Variants in EHD1 observed in about 807,000 individuals in gnomAD.
The protein encoded by EHD1 is EH domain containing 1.
A neutral mutation model predicts 39.0 loss-of-function variants in EHD1; 19 were observed. The observed-to-expected ratio is 0.49, with a 90% confidence interval of 0.34 to 0.72. The LOEUF (loss-of-function observed/expected upper bound fraction) is 0.72. Ranked by LOEUF, EHD1 falls within the 30% of genes least tolerant of loss-of-function variation. The pLI, the probability that EHD1 is intolerant of heterozygous loss-of-function variation, is 0.01. For missense variants in EHD1, 542 were observed against 751.5 expected (o/e 0.72, Z 3.26); for synonymous variants, 323 against 331.2 (o/e 0.98, Z 0.27).
Position 64,874,037 on chromosome 11 carries a change from G to A in EHD1, c.502+384C>T, listed in dbSNP as rs545373774. Among the ~76,000 whole-genome samples the A allele has an allele frequency of 6.6e-5, 10 of 150,898 alleles. No individual in the cohort carries two copies. The South Asian group carries it at 8.4e-4, about 13-fold the overall frequency. On this transcript the variant is annotated intron_variant, in intron 2 of 4. Coordinates refer to ENST00000320631, the MANE Select transcript of EHD1 (RefSeq NM_006795.4). ...AATCTCGAGGGCAGCCAGGTGTGGC[G>A]GCTCACGCCTGTAATCCCAGCACTT...
chr11:64,861,240 G>A (rs1592747584), intron 2 of EHD1, among the ~76,000 whole-genome samples: 1 of 151,036 alleles, frequency 6.6e-6, no homozygotes, highest in African/African-American at 2.4e-5. Context: ...CACCCTGAGG[G>A]CAGGATTATC....
intron 2 of EHD1, among the ~76,000 whole-genome samples, chr11:64,864,042 G>A (rs1287036376): frequency 6.6e-6 from 1 of 152,214 alleles, no homozygotes; most frequent in African/African-American, 2.4e-5. Context: ...TCACCAAAAT[G>A]TAAGGAAAAT....
chr11:64,874,018 G>A (rs922031500), intron 2 of EHD1, among the ~76,000 whole-genome samples: 4 of 150,464 alleles, frequency 2.7e-5, no homozygotes, highest in African/African-American at 7.3e-5. Flanking sequence ...AAGAAATCTC[G>A]AGGGCAGCCA....
At chr11:64,866,661 CAG>C (rs1198950689) in intron 2 of EHD1, among the ~76,000 whole-genome samples, 1 of 149,800 alleles carries the variant, frequency 6.7e-6, no homozygotes, top group Non-Finnish European at 1.5e-5. Flanking sequence ...GCCTGGGTGA[CAG>C]AGTGAGACCC....
chr11:64,857,759 C>T (rs1943668882), intron 3 of EHD1, among the ~76,000 whole-genome samples: 1 of 152,196 alleles, frequency 6.6e-6, no homozygotes, highest in Non-Finnish European at 1.5e-5. Flanking sequence ...GACATGGGCT[C>T]CCCAGGAAGT....
intron 2 of EHD1, among the ~76,000 whole-genome samples, chr11:64,873,264 C>T (rs1208747914): frequency 3.3e-5 from 5 of 152,234 alleles, no homozygotes; most frequent in Admixed American, 2.6e-4. Context: ...CTGCTGTCAA[C>T]CTCTAAGCAA....
chr11:64,869,123 G>A (rs1348903026), intron 2 of EHD1, among the ~76,000 whole-genome samples: 1 of 152,248 alleles, frequency 6.6e-6, no homozygotes, highest in Non-Finnish European at 1.5e-5. Context: ...AATGCATGAA[G>A]AATGCCTCAT....
At chr11:64,866,326 TG>T (rs1943766424) in intron 2 of EHD1, among the ~76,000 whole-genome samples, 1 of 152,072 alleles carries the variant, frequency 6.6e-6, no homozygotes, top group Admixed American at 6.5e-5. Context: ...TGTGAAACAT[TG>T]AGTACACATG....
At chr11:64,865,371 G>A (rs1450268339) in intron 2 of EHD1, among the ~76,000 whole-genome samples, 8 of 152,252 alleles carry the variant, frequency 5.3e-5, no homozygotes, top group South Asian at 2.1e-4. Context: ...AGAGCTGGAC[G>A]GCCGGTATCA....
At chr11:64,874,608 C>T in intron 1 of EHD1, 90 bp from the exon 2 acceptor site, 1 of 1,033,216 alleles carries the variant, frequency 9.7e-7, no homozygotes, top group Non-Finnish European at 1.3e-6. Flanking sequence ...CTCCTTCGCT[C>T]CATCTCTGGC....
intron 1 of EHD1, 31 bp downstream of exon 1, chr11:64,878,030 C>G: frequency 6.8e-7 from 1 of 1,480,842 alleles, no homozygotes; most frequent in Non-Finnish European, 8.9e-7. Context: ...CCCGGACGCG[C>G]CCCCCGCCCC....
chr11:64,863,759 C>G (rs940005342), intron 2 of EHD1, among the ~76,000 whole-genome samples: 20 of 152,238 alleles, frequency 1.3e-4, no homozygotes, highest in South Asian at 6.2e-4. Flanking sequence ...TAAGATGGCT[C>G]TGCACTCCAC....
chr11:64,871,710 G>A (rs1368622857), intron 2 of EHD1, among the ~76,000 whole-genome samples: 1 of 152,210 alleles, frequency 6.6e-6, no homozygotes, highest in Admixed American at 6.5e-5. Context: ...GGGTAGAGAT[G>A]ACCTTCTGTG....
chr11:64,869,289 A>G (rs1261625723), intron 2 of EHD1, among the ~76,000 whole-genome samples: 3 of 152,378 alleles, frequency 2.0e-5, no homozygotes, highest in African/African-American at 7.2e-5. Context: ...GGCTGAGGCC[A>G]AAAGCTGTCT....
rs200964887 is a variant in EHD1, at chr11:64,854,390, C to T, written c.1548G>A (p.Glu516=). Residue 516 remains glutamate, a synonymous_variant, in exon 5 of 5, where the codon GAG becomes GAA. Transcript: ENST00000320631. ...GGTGCGGGGGCAGGTCGGCGGGCAG[C>T]TCGTGGCCCTCCAGCTTGACCTTGA... ...HLIKVKLEGH[E]LPADLPPHLV... is the part of the protein sequence containing the mutation. 2.2e-5 allele frequency: 35 copies of T among 1,613,634 alleles called. No individual in the cohort carries two copies. In the Admixed American group the frequency reaches 3.0e-4, roughly 14 times the overall value.
At chr11:64,870,769 C>T (rs941618767) in intron 2 of EHD1, among the ~76,000 whole-genome samples, 11 of 152,234 alleles carry the variant, frequency 7.2e-5, no homozygotes, top group African/African-American at 2.7e-4. Context: ...ACCACCCCTG[C>T]CGGACCCAGC....
chr11:64,855,003 G>C (rs1281332189), intron 4 of EHD1, 146 bp from the exon 5 acceptor site: 4 of 1,084,220 alleles, frequency 3.7e-6, no homozygotes, highest in Non-Finnish European at 5.3e-6. Flanking sequence ...TCTGGCCCTT[G>C]GCTCTCTAAC....
chr11:64,859,168 T>C (rs1283474259), intron 3 of EHD1, among the ~76,000 whole-genome samples: 1 of 152,174 alleles, frequency 6.6e-6, no homozygotes. Flanking sequence ...CCATGAAGGC[T>C]GAGGAGTGGA....
chr11:64,866,238 A>G (rs1280546644), intron 2 of EHD1, among the ~76,000 whole-genome samples: 1 of 152,232 alleles, frequency 6.6e-6, no homozygotes, highest in Non-Finnish European at 1.5e-5. Context: ...CATTATCCTC[A>G]GCAAACTAAC....
Sources: allele counts gnomAD v4.1 joint callset (sites outside exome capture counted in the v4.1 genomes callset), GRCh38; gene constraint gnomAD v4.1.1; transcripts MANE v1.5; gene names NCBI Gene and HGNC (gene_info 2026-07-23, HGNC 2026-07-21).